CBLB: variants seen among roughly 807,000 people sequenced by gnomAD.
CBLB encodes E3 ubiquitin-protein ligase CBL-B.
In CBLB, 31 loss-of-function variants were observed where a neutral mutation model predicts 104.9. The ratio of observed to expected loss-of-function variants is 0.30; its 90% confidence interval spans 0.22 to 0.40. The LOEUF is 0.40. CBLB is among the 10% of genes least tolerant of loss of function. The pLI, the probability that CBLB is intolerant of heterozygous loss-of-function variation, is 1.00. For missense variants in CBLB, 1,062 were observed against 1,214.6 expected (o/e 0.87, Z 1.87); for synonymous variants, 440 against 422.6 (o/e 1.04, Z -0.51).
intron 4 of CBLB, among the ~76,000 whole-genome samples, chr3:105,752,419 A>G (rs2076674354): frequency 6.6e-6 from 1 of 152,174 alleles, no homozygotes; most frequent in Non-Finnish European, 1.5e-5. Context: ...GACACCCAGG[A>G]TGCATTTCTT....
chr3:105,826,970 A>C (rs1242384683), intron 3 of CBLB, among the ~76,000 whole-genome samples: 1 of 152,204 alleles, frequency 6.6e-6, no homozygotes, highest in Non-Finnish European at 1.5e-5. Context: ...TGGTATTTAC[A>C]TACACTTACA....
Position 105,868,890 on chromosome 3 carries a change from G to A in CBLB, c.-169C>T, listed in dbSNP as rs1706659986. Reference sequence around the variant, plus strand: ...AGCAACCCAGCGCGCAGGCCTCCGAGACGTGGAAACGCAACAATTACCGTC... The same window carrying A: ...AGCAACCCAGCGCGCAGGCCTCCGAAACGTGGAAACGCAACAATTACCGTC... On this transcript the variant is annotated 5_prime_UTR_variant, in exon 1 of 19. Coordinates refer to ENST00000394030, the MANE Select transcript of CBLB (RefSeq NM_170662.5). The A allele has an allele frequency of 2.0e-6, 2 of 1,016,520 alleles. No homozygotes were observed. The highest frequency in any genetic ancestry group is 2.4e-6 in the Non-Finnish European group (2 of 850,588). The allele number at this position is 1,016,520 out of a possible 1,614,324, so 63.0% of individuals were successfully genotyped here.
Position 105,739,921 on chromosome 3 carries a change from G to A in CBLB, c.983+573C>T, listed in dbSNP as rs548879085. ...AAATTGAGGCCATCCTGGCTAACAC[G>A]GTGAAACCCCGTCTCTACTAAAATA... On this transcript the variant is annotated intron_variant, in intron 7 of 18. Coordinates refer to ENST00000394030, the MANE Select transcript of CBLB (RefSeq NM_170662.5). Among the ~76,000 whole-genome samples the A allele has an allele frequency of 5.3e-5, 8 of 152,214 alleles. No individual in the cohort carries two copies. The East Asian group carries it at 9.7e-4, about 18-fold the overall frequency.
At chr3:105,708,737 T>C (rs1304601669) in intron 10 of CBLB, among the ~76,000 whole-genome samples, 2 of 152,112 alleles carry the variant, frequency 1.3e-5, no homozygotes, top group East Asian at 3.9e-4. Flanking sequence ...ATAAAATTAA[T>C]GCATTTGACA....
At chr3:105,869,032 C>T (rs1706706256), upstream of CBLB, 6 of 1,066,928 alleles carry the variant, frequency 5.6e-6, no homozygotes, top group Non-Finnish European at 7.0e-6. Flanking sequence ...CTGTGGCACA[C>T]ACAGGACCCA....
At chr3:105,665,894 T>C (rs1201284316) in intron 18 of CBLB, among the ~76,000 whole-genome samples, 1 of 151,146 alleles carries the variant, frequency 6.6e-6, no homozygotes, top group Non-Finnish European at 1.5e-5. Flanking sequence ...CTGGGCATGG[T>C]GGTGGGCGCC....
intron 17 of CBLB, 26 bp from the exon 18 acceptor site, chr3:105,670,378 T>C (rs987898673): frequency 1.3e-6 from 2 of 1,597,928 alleles, no homozygotes; most frequent in African/African-American, 2.7e-5. Context: ...AAGTTTCAAA[T>C]TAAAAGGATG....
chr3:105,826,218 C>G (rs2086561637), intron 3 of CBLB, among the ~76,000 whole-genome samples: 1 of 152,142 alleles, frequency 6.6e-6, no homozygotes, highest in African/African-American at 2.4e-5. Context: ...AATCCATTAG[C>G]TTCTTGATCA....
At chr3:105,731,583 C>T (rs1389031257) in intron 9 of CBLB, among the ~76,000 whole-genome samples, 2 of 152,100 alleles carry the variant, frequency 1.3e-5, no homozygotes, top group African/African-American at 4.8e-5. Flanking sequence ...CTTTTCTACT[C>T]ACCCTGGGCT....
chr3:105,799,234 A>G (rs2082574547), intron 3 of CBLB, among the ~76,000 whole-genome samples: 1 of 152,024 alleles, frequency 6.6e-6, no homozygotes, highest in Non-Finnish European at 1.5e-5. Flanking sequence ...AAAAGTAAAA[A>G]CATTAAGAGG....
chr3:105,712,517 C>A (rs1233748295), intron 10 of CBLB, among the ~76,000 whole-genome samples: 4 of 152,112 alleles, frequency 2.6e-5, no homozygotes, highest in South Asian at 4.1e-4. Flanking sequence ...CATGTGAAAA[C>A]CCTTATTGCT....
In CBLB at chr3:105,720,246, G is replaced by A. The variant is rs747819451; in HGVS notation, c.1208C>T (p.Ser403Leu). 8 of 1,611,314 alleles carry A rather than the reference G, an allele frequency of 5.0e-6. No homozygotes were observed. Among genetic ancestry groups the A allele is most frequent in the East Asian group, 2.2e-5 (1 of 44,854 alleles). The change falls in exon 10 of 19, where the codon TCG becomes TTG. Residue 403 changes from serine (S) to leucine (L), a missense_variant. By Grantham distance (145) the Ser-to-Leu change is moderately radical (BLOSUM62 -2). Coordinates refer to ENST00000394030, the MANE Select transcript of CBLB (RefSeq NM_170662.5). ...ACAGAAAGGGCAGCCCTGACCATCCGACTCCTAAACAAATAGAAAATGCAT... is the reference window on the plus strand; with the variant it reads ...ACAGAAAGGGCAGCCCTGACCATCCAACTCCTAAACAAATAGAAAATGCAT... ...CTSCLTAWQE[S>L]DGQGCPFCRC...
Position 105,657,106 on chromosome 3 carries a change from T to C in CBLB, c.*1864A>G. On this transcript the variant is annotated 3_prime_UTR_variant, in exon 19 of 19. Transcript: ENST00000394030. Reference sequence around the variant, plus strand: ...AAAAGCAGAAATTACCCAAGGCCTGTGAGTCCTCATCTCATACCATGAAAG... The same window carrying C: ...AAAAGCAGAAATTACCCAAGGCCTGCGAGTCCTCATCTCATACCATGAAAG... 1 of 226,616 alleles carries C rather than the reference T, an allele frequency of 4.4e-6. No homozygotes were observed. Among genetic ancestry groups the C allele is most frequent in the African/African-American group, 2.2e-5 (1 of 45,092 alleles). 14.0% of individuals were successfully genotyped at this position (226,616 alleles called of 1,614,324 possible). A position where few individuals can be genotyped will look rare whatever the true frequency, so the allele number is the denominator to read the frequency against.
rs34208930 is a variant in CBLB at position 105,702,476 on chromosome 3, GAAAA to G, written c.1594-21_1594-18del. ...AGGAGAAGACTAAAGAAACAGAAGA[GAAAA>G]AAAAAAAAAAAAAAAAAAACTAAAG... is the stretch of plus-strand genomic sequence containing the variant. On this transcript the variant is annotated intron_variant, in intron 11 of 18. Transcript: ENST00000394030. 349 of 279,088 alleles carry G rather than the reference GAAAA, an allele frequency of 1.3e-3. No homozygotes were observed. The highest frequency in any genetic ancestry group is 1.8e-3 in the East Asian group (20 of 11,072). The allele number at this position is 279,088 out of a possible 1,614,324, so 17.3% of individuals were successfully genotyped here.
At chr3:105,761,197 T>A (rs1369811985) in intron 4 of CBLB, among the ~76,000 whole-genome samples, 2 of 152,160 alleles carry the variant, frequency 1.3e-5, no homozygotes, top group Non-Finnish European at 2.9e-5. Flanking sequence ...CATGCCTAGC[T>A]AATTTTTGTA....
intron 7 of CBLB, 110 bp downstream of exon 7, chr3:105,740,384 A>G (rs966324236): frequency 2.1e-5 from 22 of 1,046,664 alleles, no homozygotes; most frequent in Non-Finnish European, 3.3e-5. Flanking sequence ...ATTATTTCTC[A>G]GTCTTAACAT....
At chr3:105,704,269 C>G in intron 10 of CBLB, 96 bp from the exon 11 acceptor site, 1 of 1,138,804 alleles carries the variant, frequency 8.8e-7, no homozygotes, top group South Asian at 1.3e-5. Flanking sequence ...AGGTTTCTGG[C>G]ACCATACATT....
rs962068589 is a variant in CBLB, at chr3:105,715,289, A to G, written c.1407+4758T>C. Reference sequence around the variant, plus strand: ...CTTGAAAACTCAGGCAACGATACAGACTTGGGCAAAATCTAAAACATATTC... The same window carrying G: ...CTTGAAAACTCAGGCAACGATACAGGCTTGGGCAAAATCTAAAACATATTC... On this transcript the variant is annotated intron_variant, in intron 10 of 18. Transcript: ENST00000394030. Among the ~76,000 whole-genome samples, 6 of 152,222 alleles carry G rather than the reference A, an allele frequency of 3.9e-5. No homozygotes were observed. The East Asian group carries it at 1.2e-3, about 29-fold the overall frequency.
chr3:105,683,439 T>C (rs2152732553), intron 14 of CBLB, among the ~76,000 whole-genome samples: 1 of 152,342 alleles, frequency 6.6e-6, no homozygotes, highest in Non-Finnish European at 1.5e-5. Flanking sequence ...ATGGTAATGA[T>C]GGTTATAATT....
Sources: gnomAD v4.1 joint callset for allele counts (sites outside exome capture counted in the v4.1 genomes callset) on GRCh38, gnomAD v4.1.1 for gene constraint, MANE v1.5 for transcripts, NCBI Gene and HGNC (gene_info 2026-07-23, HGNC 2026-07-21) for gene names.